The following TRPM3 variants were observed in gnomAD, a reference collection of about 807,000 sequenced individuals.
The protein encoded by TRPM3 is transient receptor potential cation channel subfamily M member 3, also known as long transient receptor potential channel 3.
TRPM3 carries 77 observed loss-of-function variants against 181.2 expected under a neutral mutation model. That is an observed-to-expected ratio of 0.42 (90% CI 0.35 to 0.51). TRPM3 has a LOEUF of 0.51. Ranked by LOEUF, TRPM3 falls within the 20% of genes least tolerant of loss-of-function variation. TRPM3 has a pLI of 0.01. For synonymous variants in TRPM3, 745 were observed against 796.4 expected, an observed-to-expected ratio of 0.94 and a Z score of 1.09; for missense variants, 1,759 against 2,196.7, an observed-to-expected ratio of 0.80 and a Z score of 3.98.
intron 5 of TRPM3, among the ~76,000 whole-genome samples, chr9:70,833,529 C>T (rs907621385): frequency 3.3e-5 from 5 of 152,094 alleles, no homozygotes; most frequent in East Asian, 1.9e-4. Flanking sequence ...AACCCATTGA[C>T]GGCATACTTT....
intron 1 of TRPM3, among the ~76,000 whole-genome samples, chr9:71,268,809 G>A (rs1035299111): frequency 3.3e-5 from 5 of 151,916 alleles, no homozygotes; most frequent in East Asian, 3.9e-4. Flanking sequence ...GCGACAGAGC[G>A]AGGCTCCATC....
intron 1 of TRPM3, among the ~76,000 whole-genome samples, chr9:71,099,153 G>T (rs2067845760): frequency 6.6e-6 from 1 of 152,120 alleles, no homozygotes; most frequent in African/African-American, 2.4e-5. Context: ...CAAGATGAAG[G>T]CACTGGCAGA....
chr9:70,740,527 G>C (rs182591375), intron 8 of TRPM3, among the ~76,000 whole-genome samples: 317 of 152,128 alleles, frequency 2.1e-3, no homozygotes, highest in Non-Finnish European at 3.5e-3. Flanking sequence ...GCCAAGGCAA[G>C]ACTAAGCAAA....
chr9:71,195,065 AC>A (rs2078262715), intron 1 of TRPM3, among the ~76,000 whole-genome samples: 1 of 152,056 alleles, frequency 6.6e-6, no homozygotes, highest in Admixed American at 6.6e-5. Context: ...CTGAGAAACA[AC>A]CTAAGAAATA....
intron 1 of TRPM3, among the ~76,000 whole-genome samples, chr9:71,144,853 GTTT>G (rs1393043456): frequency 2.6e-5 from 4 of 152,072 alleles, no homozygotes; most frequent in African/African-American, 9.7e-5. Context: ...CAGCATTGGT[GTTT>G]TTATTAAACT....
chr9:71,428,238 C>CCCGCCA (rs1410279834), intron 1 of TRPM3, among the ~76,000 whole-genome samples: 6 of 151,400 alleles, frequency 4.0e-5, no homozygotes, highest in Non-Finnish European at 8.8e-5. Flanking sequence ...ATTACAGGCG[C>CCCGCCA]CCGCCACCAT....
rs888471591 is a variant in TRPM3 at position 70,923,141 on chromosome 9, G to A, written c.178-58630C>T. Among the ~76,000 whole-genome samples, 6 of 152,004 alleles carry A rather than the reference G, an allele frequency of 3.9e-5. No individual in the cohort carries two copies. In the East Asian group the frequency reaches 9.6e-4, roughly 24 times the overall value. On this transcript the variant is annotated intron_variant, in intron 1 of 25. Coordinates refer to ENST00000677713, the MANE Select transcript of TRPM3 (RefSeq NM_001366145.2). Reference sequence around the variant, plus strand: ...TAAATTACCTGGTTTATTAATTTTTGTAAACATTTAGATGAACTAGTTAAT... The same window carrying A: ...TAAATTACCTGGTTTATTAATTTTTATAAACATTTAGATGAACTAGTTAAT...
intron 9 of TRPM3, among the ~76,000 whole-genome samples, chr9:70,658,448 T>C (rs182678982): frequency 4.6e-5 from 7 of 152,268 alleles, no homozygotes; most frequent in African/African-American, 1.7e-4. Context: ...CAGGAAGCAT[T>C]GTCAAATATG....
chr9:71,368,001 CAT>C (rs753635662), intron 1 of TRPM3, among the ~76,000 whole-genome samples: 43 of 110,574 alleles, frequency 3.9e-4, no homozygotes, highest in East Asian at 6.2e-4. Context: ...TGCACACACA[CAT>C]GTGAGTGTAT....
chr9:71,021,043 C>CA (rs372539588), intron 1 of TRPM3, among the ~76,000 whole-genome samples: 4 of 151,598 alleles, frequency 2.6e-5, no homozygotes, highest in Admixed American at 6.6e-5. Context: ...TACTTTGCAA[C>CA]AAAAAAAAGA....
At chr9:70,818,439 C>T (rs1350799002) in intron 6 of TRPM3, among the ~76,000 whole-genome samples, 1 of 152,116 alleles carries the variant, frequency 6.6e-6, no homozygotes, top group African/African-American at 2.4e-5. Flanking sequence ...TCCAGAGACC[C>T]GCAGGTAAAG....
At chr9:71,191,618 A>G (rs1587865047) in intron 1 of TRPM3, among the ~76,000 whole-genome samples, 1 of 151,804 alleles carries the variant, frequency 6.6e-6, no homozygotes, top group African/African-American at 2.4e-5. Context: ...GCACTTCTGT[A>G]CTAGACTGTC....
chr9:70,539,547 G>A (rs1165642561), intron 25 of TRPM3, among the ~76,000 whole-genome samples: 1 of 150,270 alleles, frequency 6.7e-6, no homozygotes, highest in African/African-American at 2.5e-5. Context: ...GGCACACTCT[G>A]CCACCATCCC....
intron 1 of TRPM3, among the ~76,000 whole-genome samples, chr9:70,964,823 A>G (rs2097170518): frequency 1.3e-5 from 2 of 152,114 alleles, no homozygotes; most frequent in Non-Finnish European, 2.9e-5. Flanking sequence ...AATTTTCTAA[A>G]TCTGACCTTT....
intron 20 of TRPM3, among the ~76,000 whole-genome samples, chr9:70,601,046 G>A (rs1336079421): frequency 6.6e-6 from 1 of 152,108 alleles, no homozygotes; most frequent in Non-Finnish European, 1.5e-5. Flanking sequence ...GAGGAGCATC[G>A]TGGGGGAGTA....
intron 1 of TRPM3, among the ~76,000 whole-genome samples, chr9:71,220,691 T>C (rs2080185729): frequency 6.6e-6 from 1 of 152,140 alleles, no homozygotes. Context: ...CATTGTCTCC[T>C]TCTAGAATGG....
chr9:71,163,730 T>C (rs1252866300), intron 1 of TRPM3, among the ~76,000 whole-genome samples: 1 of 152,038 alleles, frequency 6.6e-6, no homozygotes, highest in Non-Finnish European at 1.5e-5. Flanking sequence ...GACTGAGTCC[T>C]GGAGAAAGAC....
rs555972498 is a variant in TRPM3 at position 71,382,383 on chromosome 9, TA to T, written c.183+64269del. Among the ~76,000 whole-genome samples the T allele has an allele frequency of 1.0e-3, 156 of 151,932 alleles. 1 individual carries two copies. The highest frequency in any genetic ancestry group is 1.8e-3 in the Non-Finnish European group (123 of 67,890). ...GTAAAATTTTCTTGTACTTTACAGG[TA>T]AAAAAAATGGAGGCTCTAAAAGGTT... On this transcript the variant is annotated intron_variant, in intron 1 of 24. Coordinates refer to the TRPM3 transcript ENST00000357533.
intron 6 of TRPM3, among the ~76,000 whole-genome samples, chr9:70,815,269 A>G (rs2092589357): frequency 6.6e-6 from 1 of 152,058 alleles, no homozygotes; most frequent in African/African-American, 2.4e-5. Flanking sequence ...TTCACTATAT[A>G]TTGACATATA....
Sources: gnomAD v4.1 joint callset for allele counts (sites outside exome capture counted in the v4.1 genomes callset) on GRCh38, gnomAD v4.1.1 for gene constraint, MANE v1.5 for transcripts, NCBI Gene and HGNC (gene_info 2026-07-23, HGNC 2026-07-21) for gene names.